HS6ST3: variants seen among roughly 807,000 people sequenced by gnomAD.
HS6ST3 encodes heparan-sulfate 6-O-sulfotransferase 3.
HS6ST3 carries 12 observed loss-of-function variants against 36.7 expected under a neutral mutation model. The ratio of observed to expected loss-of-function variants is 0.33; its 90% confidence interval spans 0.21 to 0.53. The LOEUF (loss-of-function observed/expected upper bound fraction) is 0.53, where lower values mean the gene tolerates loss of function less well. Among genes scored for constraint, HS6ST3 ranks in the 20% least tolerant of loss-of-function variants. HS6ST3 has a pLI of 0.95. For missense variants in HS6ST3, 584 were observed against 640.9 expected (o/e 0.91, Z 0.96); for synonymous variants, 240 against 257.5 (o/e 0.93, Z 0.65).
At chr13:96,673,151 T>A (rs2056687904) in intron 1 of HS6ST3, among the ~76,000 whole-genome samples, 1 of 152,134 alleles carries the variant, frequency 6.6e-6, no homozygotes, top group Non-Finnish European at 1.5e-5. Context: ...CATCTTTAAG[T>A]CTCTCTGCTA....
At chr13:96,516,235 T>C (rs190101158) in intron 1 of HS6ST3, among the ~76,000 whole-genome samples, 9 of 152,060 alleles carry the variant, frequency 5.9e-5, no homozygotes, top group East Asian at 1.9e-4. Flanking sequence ...CTATTTTTTT[T>C]CTGTATTTTT....
Position 96,248,175 on chromosome 13 carries a change from C to T in HS6ST3, c.707+156606C>T, listed in dbSNP as rs183303853. ...CCCTAAACTCACTGAATCAAACTCTCGCCATAATTAATATACATGCCTGTA... is the reference window on the plus strand; with the variant it reads ...CCCTAAACTCACTGAATCAAACTCTTGCCATAATTAATATACATGCCTGTA... On this transcript the variant is annotated intron_variant, in intron 1 of 1. Transcript: ENST00000376705. 3.1e-3 allele frequency among the ~76,000 whole-genome samples: 472 copies of T among 152,280 alleles called. 13 individuals are homozygous for T. Among genetic ancestry groups the T allele is most frequent in the Admixed American group, 0.022 (330 of 15,300 alleles).
intron 1 of HS6ST3, among the ~76,000 whole-genome samples, chr13:96,673,193 T>C (rs1257408932): frequency 1.3e-5 from 2 of 152,158 alleles, no homozygotes; most frequent in African/African-American, 4.8e-5. Context: ...TCTGTGTGTG[T>C]TAAATCTTTC....
At chr13:96,671,838 A>G in intron 1 of HS6ST3, among the ~76,000 whole-genome samples, 1 of 152,152 alleles carries the variant, frequency 6.6e-6, no homozygotes, top group East Asian at 1.9e-4. Flanking sequence ...AGACCTCAGC[A>G]TATGAGTTTT....
chr13:96,833,469 G>A lies in HS6ST3; in HGVS notation c.*271G>A, dbSNP rs1479333356. On this transcript the variant is annotated 3_prime_UTR_variant, in exon 2 of 2. Coordinates refer to ENST00000376705, the MANE Select transcript of HS6ST3 (RefSeq NM_153456.4). ...TTAGAAGGCCAAGGAGAGCCACACC[G>A]AAAAAGGAGACAGTTCCTGTGATCT... 2.5e-5 allele frequency: 9 copies of A among 361,644 alleles called. No homozygotes were observed. Among genetic ancestry groups the A allele is most frequent in the South Asian group, 6.5e-5 (1 of 15,434 alleles). 22.4% of individuals were successfully genotyped at this position (361,644 alleles called of 1,614,324 possible). A position where few individuals can be genotyped will look rare whatever the true frequency, so the allele number is the denominator to read the frequency against.
At chr13:96,111,325 C>T (rs1290086559) in intron 1 of HS6ST3, among the ~76,000 whole-genome samples, 1 of 152,150 alleles carries the variant, frequency 6.6e-6, no homozygotes, top group Non-Finnish European at 1.5e-5. Flanking sequence ...CTGCCTACTT[C>T]CAAAGACAAT....
At chr13:96,566,501 T>TA (rs571236415) in intron 1 of HS6ST3, among the ~76,000 whole-genome samples, 1 of 152,106 alleles carries the variant, frequency 6.6e-6, no homozygotes, top group Non-Finnish European at 1.5e-5. Context: ...AGAAACTCTT[T>TA]AAAAAAAGCT....
intron 1 of HS6ST3, among the ~76,000 whole-genome samples, chr13:96,570,554 G>A (rs966809932): frequency 6.6e-6 from 1 of 152,224 alleles, no homozygotes; most frequent in African/African-American, 2.4e-5. Context: ...TGTTAAAAGA[G>A]TTTTCATCAT....
intron 1 of HS6ST3, among the ~76,000 whole-genome samples, chr13:96,107,450 G>A (rs2053846981): frequency 6.6e-6 from 1 of 152,132 alleles, no homozygotes; most frequent in East Asian, 1.9e-4. Context: ...TAAAAGTAGA[G>A]TTGGAGAGGA....
intron 1 of HS6ST3, among the ~76,000 whole-genome samples, chr13:96,769,104 G>T (rs545835513): frequency 6.6e-6 from 1 of 151,940 alleles, no homozygotes; most frequent in African/African-American, 2.4e-5. Context: ...ACATGTGCAC[G>T]CACGTGCCCC....
intron 1 of HS6ST3, among the ~76,000 whole-genome samples, chr13:96,343,338 C>T (rs115736373): frequency 0.011 from 1,742 of 152,284 alleles, 35 homozygotes; most frequent in African/African-American, 0.04. Context: ...AGGGAGAATC[C>T]GCTTTCTTGC....
chr13:96,755,607 C>T (rs774562358), intron 1 of HS6ST3, among the ~76,000 whole-genome samples: 3 of 152,172 alleles, frequency 2.0e-5, no homozygotes, highest in African/African-American at 4.8e-5. Flanking sequence ...TTGTGATCCA[C>T]CTGCTTTGGC....
chr13:96,511,549 T>C (rs759756035), intron 1 of HS6ST3, among the ~76,000 whole-genome samples: 1 of 152,016 alleles, frequency 6.6e-6, no homozygotes, highest in Non-Finnish European at 1.5e-5. Flanking sequence ...ATTGCCTACA[T>C]GTATACTTAG....
chr13:96,254,179 G>A (rs2054620511), intron 1 of HS6ST3, among the ~76,000 whole-genome samples: 1 of 151,702 alleles, frequency 6.6e-6, no homozygotes, highest in South Asian at 2.1e-4. Flanking sequence ...ACTTTGGGAG[G>A]CTGAGGCAGG....
At chr13:96,589,195 AT>A (rs907069743) in intron 1 of HS6ST3, among the ~76,000 whole-genome samples, 2 of 151,834 alleles carry the variant, frequency 1.3e-5, no homozygotes, top group Non-Finnish European at 2.9e-5. Context: ...TTGATTAGAG[AT>A]TTTTTATTAC....
intron 1 of HS6ST3, among the ~76,000 whole-genome samples, chr13:96,198,617 T>C (rs1401262837): frequency 1.3e-5 from 2 of 152,214 alleles, no homozygotes; most frequent in African/African-American, 4.8e-5. Context: ...AGGGGCAAAA[T>C]GCTGGCAGTC....
At chr13:96,115,759 C>T (rs928725780) in intron 1 of HS6ST3, among the ~76,000 whole-genome samples, 13 of 152,000 alleles carry the variant, frequency 8.6e-5, no homozygotes, top group Non-Finnish European at 1.3e-4. Context: ...GGGTATATAC[C>T]CCATAATGGG....
At chr13:96,367,418 G>C (rs191444402) in intron 1 of HS6ST3, among the ~76,000 whole-genome samples, 3 of 152,154 alleles carry the variant, frequency 2.0e-5, no homozygotes, top group Non-Finnish European at 4.4e-5. Flanking sequence ...TAATGTGTAT[G>C]GATTTTCTTC....
chr13:96,775,414 C>T (rs967646816), intron 1 of HS6ST3, among the ~76,000 whole-genome samples: 2 of 151,282 alleles, frequency 1.3e-5, no homozygotes, highest in Admixed American at 6.6e-5. Context: ...CAAGATCCAT[C>T]GGTGTCTGTA....
Sources: gnomAD v4.1 joint callset for allele counts (sites outside exome capture counted in the v4.1 genomes callset) on GRCh38, gnomAD v4.1.1 for gene constraint, MANE v1.5 for transcripts, NCBI Gene and HGNC (gene_info 2026-07-23, HGNC 2026-07-21) for gene names.